The following MCTP2 variants were observed in gnomAD, a reference collection of about 807,000 sequenced individuals.
The protein encoded by MCTP2 is multiple C2 and transmembrane domain-containing protein 2.
MCTP2 carries 132 observed loss-of-function variants against 111.6 expected under a neutral mutation model. The ratio of observed to expected loss-of-function variants is 1.18; its 90% CI spans 1.03 to 1.37. The LOEUF (loss-of-function observed/expected upper bound fraction) is 1.37, where lower values mean the gene tolerates loss of function less well. Ranked by LOEUF, MCTP2 falls within the 40% of genes most tolerant of loss-of-function variation. The pLI is 0.00. For synonymous variants in MCTP2, 395 were observed against 387.7 expected (o/e 1.02, Z -0.22); for missense variants, 1,183 against 1,067.9 (o/e 1.11, Z -1.50).
chr15:94,433,118 G>A (rs1235635122), intron 17 of MCTP2, among the ~76,000 whole-genome samples: 3 of 151,618 alleles, frequency 2.0e-5, no homozygotes, highest in African/African-American at 7.3e-5. Context: ...CTATGGCAAT[G>A]CTAGCTAAGT....
intron 21 of MCTP2, among the ~76,000 whole-genome samples, chr15:94,475,911 C>CAA (rs3837728): frequency 1.3e-5 from 2 of 151,918 alleles, no homozygotes; most frequent in Non-Finnish European, 2.9e-5. Flanking sequence ...CTTAAACGTT[C>CAA]AACCCGTTTC....
At chr15:94,390,098 A>ATATATATATG (rs2080843704) in intron 14 of MCTP2, among the ~76,000 whole-genome samples, 1 of 34,424 alleles carries the variant, frequency 2.9e-5, no homozygotes, top group African/African-American at 1.3e-4. Context: ...ATGTATATAT[A>ATATATATATG]TATATATATA....
At chr15:94,314,198 G>A in intron 2 of MCTP2, 84 bp from the exon 3 acceptor site, 2 of 938,344 alleles carry the variant, frequency 2.1e-6, no homozygotes, top group Non-Finnish European at 3.4e-6. Flanking sequence ...GATTTCCAAA[G>A]GAAAAGACCT....
chr15:94,399,526 T>C (rs1033501614), intron 15 of MCTP2: 1 of 174,784 alleles, frequency 5.7e-6, no homozygotes, highest in Non-Finnish European at 1.2e-5. Flanking sequence ...CTGTGAAAAG[T>C]GTCTTTTCAT....
intron 19 of MCTP2, among the ~76,000 whole-genome samples, chr15:94,452,949 CTTTGT>C (rs1286660051): frequency 5.3e-5 from 8 of 151,982 alleles, no homozygotes; most frequent in Non-Finnish European, 7.4e-5. Context: ...CGTGAAAAAA[CTTTGT>C]TTGTTTTGTT....
At chr15:94,309,238 T>C (rs1863105016) in intron 2 of MCTP2, among the ~76,000 whole-genome samples, 1 of 152,214 alleles carries the variant, frequency 6.6e-6, no homozygotes, top group African/African-American at 2.4e-5. Context: ...TCCTTTTGCT[T>C]ATTTTGTAAC....
rs28449679 is a variant in MCTP2 at position 94,309,220 on chromosome 15, C to A, written c.466-5062C>A. ...GTTGCTGCTTCCTGGTTAGTGGAGCCGTCTGATTCCTTTTGCTTATTTTGT... is the reference window on the plus strand; with the variant it reads ...GTTGCTGCTTCCTGGTTAGTGGAGCAGTCTGATTCCTTTTGCTTATTTTGT... On this transcript the variant is annotated intron_variant, in intron 2 of 22. Coordinates refer to ENST00000357742, the MANE Select transcript of MCTP2 (RefSeq NM_001385001.1). Among the ~76,000 whole-genome samples the A allele has an allele frequency of 2.0e-5, 3 of 152,060 alleles. 1 individual carries two copies. Among genetic ancestry groups the A allele is most frequent in the African/African-American group, 7.3e-5 (3 of 41,376 alleles).
chr15:94,434,857 C>CTTTTTTTTTTTT (rs751539621), intron 17 of MCTP2, among the ~76,000 whole-genome samples: 1 of 139,050 alleles, frequency 7.2e-6, no homozygotes, highest in Non-Finnish European at 1.5e-5. Flanking sequence ...TTCTTTCTTT[C>CTTTTTTTTTTTT]TTTTTTTTTT....
chr15:94,448,149 C>G (rs998286437), intron 19 of MCTP2, among the ~76,000 whole-genome samples: 1 of 152,124 alleles, frequency 6.6e-6, no homozygotes, highest in Non-Finnish European at 1.5e-5. Flanking sequence ...CTTAAATATT[C>G]TTTTTAAAAA....
At position 94,329,091 on chromosome 15, in the gene MCTP2, A is replaced by G. The variant is rs371169007; in HGVS notation, c.638-10199A>G. 1.3e-3 allele frequency among the ~76,000 whole-genome samples: 202 copies of G among 152,270 alleles called. 4 individuals are homozygous for G. In the South Asian group the frequency reaches 0.041, roughly 31 times the overall value. ...TCATCTTTTATGATGCAGCCTTGGAAGGAACACTGCACCACAGTGGTTGAA... is the reference window on the plus strand; with the variant it reads ...TCATCTTTTATGATGCAGCCTTGGAGGGAACACTGCACCACAGTGGTTGAA... On this transcript the variant is annotated intron_variant, in intron 4 of 22. Transcript: ENST00000357742.
intron 21 of MCTP2, among the ~76,000 whole-genome samples, chr15:94,472,521 C>CA (rs2074013260): frequency 6.6e-6 from 1 of 152,178 alleles, no homozygotes; most frequent in South Asian, 2.1e-4. Flanking sequence ...GGCAGCTTTC[C>CA]AACAACTTTT....
intron 6 of MCTP2, 27 bp downstream of exon 6, chr15:94,340,302 T>G: frequency 1.3e-6 from 2 of 1,533,506 alleles, no homozygotes; most frequent in African/African-American, 1.4e-5. Context: ...TTTTAATTGT[T>G]ATTGATGAGT....
intron 4 of MCTP2, among the ~76,000 whole-genome samples, chr15:94,339,002 G>A (rs956102388): frequency 1.3e-5 from 2 of 152,104 alleles, no homozygotes; most frequent in East Asian, 1.9e-4. Context: ...GCTTGTGCTG[G>A]TAGATTTTAC....
intron 11 of MCTP2, among the ~76,000 whole-genome samples, chr15:94,368,961 T>C (rs886470247): frequency 1.3e-5 from 2 of 152,226 alleles, no homozygotes; most frequent in Non-Finnish European, 2.9e-5. Context: ...GCTAGCAAGC[T>C]AGCCAGCACA....
intron 5 of MCTP2, 29 bp from the exon 6 acceptor site, chr15:94,340,170 G>A (rs2152403125): frequency 1.3e-6 from 2 of 1,482,548 alleles, no homozygotes; most frequent in African/African-American, 1.4e-5. Flanking sequence ...CCATAATAAT[G>A]TGTTAATTGA....
At chr15:94,301,662 G>A (rs2075619095) in intron 2 of MCTP2, among the ~76,000 whole-genome samples, 1 of 152,112 alleles carries the variant, frequency 6.6e-6, no homozygotes, top group African/African-American at 2.4e-5. Flanking sequence ...TTGGGTATTT[G>A]TGTTTTTCCT....
In MCTP2 at chr15:94,480,043, A is replaced by C. The variant is rs2074647598; in HGVS notation, c.*1009A>C. ...AAGTAAAATAAGCTACATACAATAA[A>C]AATTTATTTCAGAACCCCATTTCTA... On this transcript the variant is annotated 3_prime_UTR_variant, in exon 23 of 23. Coordinates refer to ENST00000357742, the MANE Select transcript of MCTP2 (RefSeq NM_001385001.1). 2 of 152,142 alleles carry C rather than the reference A, an allele frequency of 1.3e-5. No homozygotes were observed. The highest frequency in any genetic ancestry group is 4.8e-5 in the African/African-American group (2 of 41,434). The allele number at this position is 152,142 out of a possible 1,614,324, so 9.4% of individuals were successfully genotyped here.
intron 2 of MCTP2, among the ~76,000 whole-genome samples, chr15:94,311,593 T>C (rs1476446339): frequency 1.3e-5 from 2 of 152,174 alleles, no homozygotes; most frequent in African/African-American, 4.8e-5. Context: ...CTGTTCTTTA[T>C]GGTAATCACT....
chr15:94,256,816 C>A (rs1377085626), intron 1 of MCTP2, among the ~76,000 whole-genome samples: 1 of 152,152 alleles, frequency 6.6e-6, no homozygotes, highest in African/African-American at 2.4e-5. Flanking sequence ...AGAAACAAAT[C>A]ATAAATCAAA....
Sources: gnomAD v4.1 joint callset for allele counts (sites outside exome capture counted in the v4.1 genomes callset) on GRCh38, gnomAD v4.1.1 for gene constraint, MANE v1.5 for transcripts, NCBI Gene and HGNC (gene_info 2026-07-23, HGNC 2026-07-21) for gene names.